ALDH7A1: variants seen among roughly 807,000 people sequenced by gnomAD.
ALDH7A1 encodes the protein aldehyde dehydrogenase 7 family member A1, also known as alpha-aminoadipic semialdehyde dehydrogenase.
ALDH7A1 carries 63 observed loss-of-function variants against 79.9 expected under a neutral mutation model. The observed-to-expected ratio is 0.79, with a 90% CI of 0.64 to 0.97. The LOEUF (loss-of-function observed/expected upper bound fraction) is 0.97, where lower values mean the gene tolerates loss of function less well. Ranked by LOEUF, ALDH7A1 falls within the 50% of genes least tolerant of loss-of-function variation. ALDH7A1 has a pLI of 0.00. For synonymous variants in ALDH7A1, 240 were observed against 231.2 expected (o/e 1.04, Z -0.34); for missense variants, 627 against 665.2 (o/e 0.94, Z 0.63).
chr5:126,564,291 G>A, intron 9 of ALDH7A1: 1 of 255,390 alleles, frequency 3.9e-6, no homozygotes, highest in Admixed American at 5.5e-5. Context: ...AAGTAGCTGG[G>A]CATGCCGCCA....
chr5:126,585,900 A>G (rs1751345738), intron 3 of ALDH7A1, among the ~76,000 whole-genome samples: 1 of 152,174 alleles, frequency 6.6e-6, no homozygotes, highest in Non-Finnish European at 1.5e-5. Context: ...GCTTATATAC[A>G]TAAGTATGCA....
chr5:126,547,110 C>T (rs749579139), intron 16 of ALDH7A1, among the ~76,000 whole-genome samples: 27 of 152,208 alleles, frequency 1.8e-4, no homozygotes, highest in Non-Finnish European at 2.8e-4. Flanking sequence ...AAACTCCTGG[C>T]AGGAACAGAG....
At chr5:126,569,205 T>C (rs970821834) in intron 8 of ALDH7A1, 1 of 152,224 alleles carries the variant, frequency 6.6e-6, no homozygotes, top group Non-Finnish European at 1.5e-5. Context: ...ATGCTCCTTA[T>C]GAGAATCTAA....
At chr5:126,556,999 C>T (rs188402395) in intron 11 of ALDH7A1, among the ~76,000 whole-genome samples, 59 of 152,032 alleles carry the variant, frequency 3.9e-4, no homozygotes, top group African/African-American at 1.4e-3. Context: ...ATATAAAAGA[C>T]GTCTATGAAT....
At position 126,556,029 on chromosome 5, in the gene ALDH7A1, G is replaced by A. The variant is rs1057520220; in HGVS notation, c.1009-14C>T. ...TTCATGTATAAACTAAACGAAAAAAGATATTCAAGGGCATAGTATGATAAA... is the reference window on the plus strand; with the variant it reads ...TTCATGTATAAACTAAACGAAAAAAAATATTCAAGGGCATAGTATGATAAA... On this transcript the variant is annotated splice_polypyrimidine_tract_variant and intron_variant, in intron 11 of 17. Transcript: ENST00000409134. The A allele has an allele frequency of 2.5e-6, 4 of 1,578,838 alleles. No individual in the cohort carries two copies. Among genetic ancestry groups the A allele is most frequent in the Middle Eastern group, 1.7e-4 (1 of 6,004 alleles).
rs1472671062 is a variant in ALDH7A1, at chr5:126,577,197, G to C, written c.532C>G (p.Leu178Val). ...CCTACGGGATTCCACTGCTCAATCAGTGCATGGCCAGATCCTGAGGACAGA... is the reference window on the plus strand; with the variant it reads ...CCTACGGGATTCCACTGCTCAATCACTGCATGGCCAGATCCTGAGGACAGA... ...ILPSERSGHA[L>V]IEQWNPVGLV... The change falls in exon 6 of 18, where the codon CTG becomes GTG. Residue 178 changes from leucine to valine, a missense_variant. Physicochemically the swap from Leu to Val is conservative, Grantham distance 32. Transcript: ENST00000409134. 1 of 1,614,150 alleles carries C rather than the reference G, an allele frequency of 6.2e-7. No individual in the cohort carries two copies. Among genetic ancestry groups the C allele is most frequent in the South Asian group, 1.1e-5 (1 of 91,074 alleles).
intron 5 of ALDH7A1, among the ~76,000 whole-genome samples, chr5:126,577,436 A>G (rs764253060): frequency 1.3e-5 from 2 of 152,182 alleles, no homozygotes; most frequent in Non-Finnish European, 2.9e-5. Flanking sequence ...TCTGATCTTC[A>G]TAGGAACTCT....
intron 9 of ALDH7A1, among the ~76,000 whole-genome samples, chr5:126,563,614 C>T (rs1750472919): frequency 6.6e-6 from 1 of 152,072 alleles, no homozygotes; most frequent in African/African-American, 2.4e-5. Context: ...TCTCAGCTTC[C>T]CAAGTAGCTG....
At chr5:126,569,227 T>A (rs1750695799) in intron 8 of ALDH7A1, 1 of 152,252 alleles carries the variant, frequency 6.6e-6, no homozygotes, top group African/African-American at 2.4e-5. Context: ...TAATGCCTTA[T>A]GATCTGAGTG....
intron 9 of ALDH7A1, chr5:126,564,644 C>G: frequency 3.9e-6 from 4 of 1,033,702 alleles, no homozygotes; most frequent in Non-Finnish European, 5.0e-6. Flanking sequence ...ATGGCTGTTA[C>G]TACCAAAAGC....
intron 6 of ALDH7A1, 96 bp downstream of exon 6, chr5:126,576,983 C>G: frequency 1.3e-6 from 2 of 1,524,688 alleles, no homozygotes; most frequent in South Asian, 2.3e-5. Context: ...GTGATGCACA[C>G]TTATAATCCC....
In ALDH7A1 at chr5:126,595,180, C is replaced by G. The variant is rs935322440; in HGVS notation, c.19G>C (p.Ala7Pro). 2 of 1,552,690 alleles carry G rather than the reference C, an allele frequency of 1.3e-6. No homozygotes were observed. The highest frequency in any genetic ancestry group is 1.2e-5 in the South Asian group (1 of 84,252). The change falls in exon 1 of 18, where the codon GCG (alanine) becomes CCG (proline). Residue 7 changes from alanine (A) to proline (P), a missense_variant. Transcript: ENST00000409134. ...GTCTTTGCAGCGTGCACACACAGCG[C>G]GCGAGGAAGGCGCCACATACTGAGC... The part of the protein sequence containing the change: MWRLPR[A>P]LCVHAAKTSK...
chr5:126,558,908 T>A (rs1228305989), intron 11 of ALDH7A1, among the ~76,000 whole-genome samples: 1 of 152,234 alleles, frequency 6.6e-6, no homozygotes, highest in Non-Finnish European at 1.5e-5. Context: ...TAATAATTCT[T>A]TTTATTTTTA....
rs536358253 is a variant in ALDH7A1, at chr5:126,589,441, C to A, written c.312+3223G>T. Reference sequence around the variant, plus strand: ...AAAGTGCTGGGATTACAGGCGTGAGCCATCGTGCCTGGTCTATTTTTTTGT... The same window carrying A: ...AAAGTGCTGGGATTACAGGCGTGAGACATCGTGCCTGGTCTATTTTTTTGT... On this transcript the variant is annotated intron_variant, in intron 3 of 17. Coordinates refer to ENST00000409134, the MANE Select transcript of ALDH7A1 (RefSeq NM_001182.5). Among the ~76,000 whole-genome samples the A allele has an allele frequency of 4.9e-4, 74 of 152,134 alleles. No individual in the cohort carries two copies. In the Middle Eastern group the frequency reaches 0.01, roughly 21 times the overall value.
chr5:126,576,987 T>C, intron 6 of ALDH7A1, 92 bp downstream of exon 6: 1 of 1,537,702 alleles, frequency 6.5e-7, no homozygotes, highest in East Asian at 2.2e-5. Context: ...TGCACACTTA[T>C]AATCCCAGTT....
intron 5 of ALDH7A1, among the ~76,000 whole-genome samples, chr5:126,580,643 T>C (rs868352850): frequency 1.3e-5 from 2 of 152,144 alleles, no homozygotes; most frequent in South Asian, 4.1e-4. Context: ...ATAACCATCA[T>C]GGAAATTTAG....
chr5:126,569,736 C>T (rs1750713940), intron 8 of ALDH7A1: 1 of 152,212 alleles, frequency 6.6e-6, no homozygotes, highest in African/African-American at 2.4e-5. Context: ...TAATATTTCA[C>T]TCTGCATTAT....
intron 3 of ALDH7A1, chr5:126,586,273 C>A (rs1581398551): frequency 6.6e-6 from 1 of 152,194 alleles, no homozygotes; most frequent in East Asian, 1.9e-4. Context: ...TATCAATCAG[C>A]ACATAACCTA....
chr5:126,559,352 A>G lies in ALDH7A1; in HGVS notation c.914-18T>C. ...TTCAAAGGCTTAGGAAAGCACAAAC[A>G]CTTCCATCAGCGAACCAAAACAGGT... is the stretch of plus-strand genomic sequence containing the variant. On this transcript the variant is annotated intron_variant, in intron 10 of 17. Coordinates refer to ENST00000409134, the MANE Select transcript of ALDH7A1 (RefSeq NM_001182.5). 1 of 1,602,392 alleles carries G rather than the reference A, an allele frequency of 6.2e-7. No individual in the cohort carries two copies. The highest frequency in any genetic ancestry group is 1.3e-5 in the African/African-American group (1 of 74,730).
Sources: allele counts gnomAD v4.1 joint callset (sites outside exome capture counted in the v4.1 genomes callset), GRCh38; gene constraint gnomAD v4.1.1; transcripts MANE v1.5; gene names NCBI Gene and HGNC (gene_info 2026-07-23, HGNC 2026-07-21).